RPS6KB1: variants seen among roughly 807,000 people sequenced by gnomAD.
RPS6KB1 encodes the protein ribosomal protein S6 kinase B1, also known as ribosomal protein S6 kinase beta-1.
In RPS6KB1, 12 loss-of-function variants were observed where a neutral mutation model predicts 70.2. That is an observed-to-expected ratio of 0.17 (90% CI 0.11 to 0.28). The LOEUF is 0.28. RPS6KB1 is among the 10% of genes least tolerant of loss of function. The pLI, the probability that RPS6KB1 is intolerant of heterozygous loss-of-function variation, is 1.00. For synonymous variants in RPS6KB1, 175 were observed against 211.2 expected (o/e 0.83, Z 1.49); for missense variants, 270 against 646.6 (o/e 0.42, Z 6.32).
chr17:59,900,228 A>C (rs1032319885), intron 1 of RPS6KB1, among the ~76,000 whole-genome samples: 68 of 140,118 alleles, frequency 4.9e-4, no homozygotes, highest in African/African-American at 1.1e-3. Flanking sequence ...ACACACACAC[A>C]CACCCCTATG....
At chr17:59,913,046 A>G (rs1297098470) in intron 3 of RPS6KB1, among the ~76,000 whole-genome samples, 1 of 152,220 alleles carries the variant, frequency 6.6e-6, no homozygotes, top group Non-Finnish European at 1.5e-5. Flanking sequence ...ATACATAAAT[A>G]GACAACTGTA....
intron 1 of RPS6KB1, among the ~76,000 whole-genome samples, chr17:59,903,489 G>A (rs2042082932): frequency 6.6e-6 from 1 of 151,782 alleles, no homozygotes; most frequent in South Asian, 2.1e-4. Flanking sequence ...AGAAAAAAAA[G>A]AAAAAAAAGT....
At chr17:59,899,185 CA>C (rs1266228641) in intron 1 of RPS6KB1, among the ~76,000 whole-genome samples, 2 of 126,878 alleles carry the variant, frequency 1.6e-5, no homozygotes, top group East Asian at 4.7e-4. Flanking sequence ...GCCTGGGGGA[CA>C]AGAGCAAGAC....
intron 4 of RPS6KB1, among the ~76,000 whole-genome samples, chr17:59,919,212 G>T (rs1028923033): frequency 6.6e-6 from 1 of 152,140 alleles, no homozygotes; most frequent in African/African-American, 2.4e-5. Flanking sequence ...GCTGGCACTT[G>T]ATCAACAACT....
At chr17:59,900,171 AAC>A (rs759914423) in intron 1 of RPS6KB1, among the ~76,000 whole-genome samples, 7,512 of 102,114 alleles carry the variant, frequency 0.074, 189 homozygotes, top group Non-Finnish European at 0.087. Context: ...CTAATTGCTA[AAC>A]ACACACACAC....
intron 6 of RPS6KB1, chr17:59,931,375 C>G: frequency 2.4e-6 from 1 of 420,718 alleles, no homozygotes; most frequent in Admixed American, 4.1e-5. Flanking sequence ...GACATCTTTG[C>G]AATTTTAGCA....
At chr17:59,921,891 A>G (rs943411175) in intron 4 of RPS6KB1, among the ~76,000 whole-genome samples, 2 of 152,128 alleles carry the variant, frequency 1.3e-5, no homozygotes, top group Admixed American at 6.6e-5. Context: ...GACTTACTTG[A>G]TTCCTACAAT....
chr17:59,906,352 T>TCCCTTC (rs963369036), intron 1 of RPS6KB1, among the ~76,000 whole-genome samples: 6 of 151,974 alleles, frequency 3.9e-5, no homozygotes, highest in Admixed American at 6.6e-5. Flanking sequence ...GTCCCTTGCC[T>TCCCTTC]CCCTTCCCCT....
chr17:59,915,807 CAG>C (rs1308885682), intron 4 of RPS6KB1, among the ~76,000 whole-genome samples: 1 of 46,306 alleles, frequency 2.2e-5, no homozygotes. Context: ...TTTATTGTGA[CAG>C]AGTTTTGCTC....
At chr17:59,919,544 C>T (rs1252772295) in intron 4 of RPS6KB1, among the ~76,000 whole-genome samples, 1 of 151,976 alleles carries the variant, frequency 6.6e-6, no homozygotes, top group East Asian at 1.9e-4. Context: ...CATTCATTTG[C>T]CTGGAAAAAG....
At chr17:59,912,604 C>CT (rs1275095818) in intron 2 of RPS6KB1, 80 bp from the exon 3 acceptor site, 2 of 1,423,000 alleles carry the variant, frequency 1.4e-6, no homozygotes, top group African/African-American at 2.9e-5. Flanking sequence ...TTACATTTCT[C>CT]TGTCTCCTTT....
chr17:59,904,996 C>T (rs1057152373), intron 1 of RPS6KB1, among the ~76,000 whole-genome samples: 6 of 151,930 alleles, frequency 3.9e-5, no homozygotes, highest in Non-Finnish European at 8.8e-5. Flanking sequence ...CGCCTGGCTG[C>T]ATTCCTTGCA....
chr17:59,905,294 C>T (rs865893727), intron 1 of RPS6KB1, among the ~76,000 whole-genome samples: 4 of 152,042 alleles, frequency 2.6e-5, no homozygotes, highest in African/African-American at 7.2e-5. Context: ...AAGCATTAGC[C>T]GCTGTGCTCA....
intron 14 of RPS6KB1, 110 bp downstream of exon 14, chr17:59,945,628 T>C: frequency 1.5e-6 from 1 of 647,512 alleles, no homozygotes; most frequent in African/African-American, 1.8e-5. Context: ...CATACTCTCT[T>C]TGGTTGACAT....
intron 2 of RPS6KB1, among the ~76,000 whole-genome samples, chr17:59,911,386 A>T (rs914151622): frequency 6.6e-6 from 1 of 151,992 alleles, no homozygotes; most frequent in Non-Finnish European, 1.5e-5. Context: ...TTGGAGATGG[A>T]GTCTCCCTCT....
chr17:59,931,761 A>C (rs915957904), intron 7 of RPS6KB1, 39 bp downstream of exon 7: 2 of 1,413,334 alleles, frequency 1.4e-6, no homozygotes, highest in Middle Eastern at 3.5e-4. Flanking sequence ...GTAAATAATC[A>C]TCTTAAAATC....
intron 1 of RPS6KB1, among the ~76,000 whole-genome samples, chr17:59,909,153 C>G (rs539975171): frequency 3.4e-5 from 5 of 145,270 alleles, no homozygotes; most frequent in Non-Finnish European, 6.0e-5. Context: ...GTCTCGAACC[C>G]CCAACTTCAG....
intron 11 of RPS6KB1, 34 bp from the exon 12 acceptor site, chr17:59,936,430 C>T (rs1568487952): frequency 6.3e-7 from 1 of 1,585,488 alleles, no homozygotes. Context: ...AAGTCTAGTC[C>T]CCTCAACTTT....
intron 13 of RPS6KB1, among the ~76,000 whole-genome samples, chr17:59,942,957 C>T (rs1221097944): frequency 1.4e-5 from 2 of 147,806 alleles, no homozygotes; most frequent in Non-Finnish European, 3.0e-5. Context: ...CCAGCCTGAG[C>T]GATAGAGTGA....
Sources: allele counts gnomAD v4.1 joint callset (sites outside exome capture counted in the v4.1 genomes callset), GRCh38; gene constraint gnomAD v4.1.1; transcripts MANE v1.5; gene names NCBI Gene and HGNC (gene_info 2026-07-23, HGNC 2026-07-21).